Variants in RANBP10 observed in about 807,000 individuals in gnomAD.
The protein encoded by RANBP10 is ran-binding protein 10.
Under a neutral mutation model 72.8 loss-of-function variants are expected in RANBP10, and 24 were observed. The ratio of observed to expected loss-of-function variants is 0.33; its 90% CI spans 0.24 to 0.46. The LOEUF is 0.46. RANBP10 is among the 20% of genes least tolerant of loss of function. The pLI, the probability that RANBP10 is intolerant of heterozygous loss-of-function variation, is 1.00. For synonymous variants in RANBP10, 310 were observed against 322.3 expected, an observed-to-expected ratio of 0.96 and a Z score of 0.41; for missense variants, 679 against 817.5, an observed-to-expected ratio of 0.83 and a Z score of 2.07.
chr16:67,750,409 G>A (rs951454567), intron 3 of RANBP10, among the ~76,000 whole-genome samples: 2 of 152,122 alleles, frequency 1.3e-5, no homozygotes, highest in Non-Finnish European at 1.5e-5. Context: ...TTCTCCCCTT[G>A]CACACTGCCC....
At chr16:67,728,779 C>A (rs897104959) in intron 10 of RANBP10, among the ~76,000 whole-genome samples, 1 of 152,236 alleles carries the variant, frequency 6.6e-6, no homozygotes, top group Non-Finnish European at 1.5e-5. Flanking sequence ...TGAGTTCACA[C>A]ACCTCTTCTA....
In RANBP10 at chr16:67,744,402, A is replaced by G. The variant is rs1210011894; in HGVS notation, c.454T>C (p.Ser152Pro). Reference sequence around the variant, plus strand: ...CCATAGGGCTGGCCAGTCCCCGAGGAGCAGAACGAATGCCCATCATCACCA... The same window carrying G: ...CCATAGGGCTGGCCAGTCCCCGAGGGGCAGAACGAATGCCCATCATCACCA... ...YHGDDGHSFC[S>P]SGTGQPYGPT... The change falls in exon 4 of 14, where the codon TCC becomes CCC. Residue 152 changes from serine to proline, a missense_variant. Physicochemically the swap from Ser to Pro is moderately conservative, Grantham distance 74. Coordinates refer to ENST00000317506, the MANE Select transcript of RANBP10 (RefSeq NM_020850.3). 1 of 1,614,078 alleles carries G rather than the reference A, an allele frequency of 6.2e-7. No individual in the cohort carries two copies. Among genetic ancestry groups the G allele is most frequent in the African/African-American group, 1.3e-5 (1 of 74,926 alleles).
intron 6 of RANBP10, 60 bp from the exon 7 acceptor site, chr16:67,731,644 A>G (rs1313841479): frequency 5.3e-6 from 7 of 1,317,618 alleles, no homozygotes; most frequent in South Asian, 2.5e-5. Flanking sequence ...CTGACTACCC[A>G]ATGGACTCAG....
At chr16:67,728,535 A>T in intron 10 of RANBP10, 24 bp from the exon 11 acceptor site, 1 of 1,613,690 alleles carries the variant, frequency 6.2e-7, no homozygotes, top group Admixed American at 1.7e-5. Context: ...TTGAGGTGGG[A>T]GTTGGCCCAG....
At position 67,772,104 on chromosome 16, in the gene RANBP10, A is replaced by C; in HGVS notation, c.348-18T>G. The C allele has an allele frequency of 1.3e-6, 2 of 1,593,666 alleles. No individual in the cohort carries two copies. Among genetic ancestry groups the C allele is most frequent in the East Asian group, 2.2e-5 (1 of 44,820 alleles). On this transcript the variant is annotated intron_variant, in intron 2 of 13. Coordinates refer to ENST00000317506, the MANE Select transcript of RANBP10 (RefSeq NM_020850.3). ...CCATGTAACTTCAAAAAAAAAAAAA[A>C]AAAAAACACAAAATTTTTGGTTAGC...
intron 2 of RANBP10, among the ~76,000 whole-genome samples, chr16:67,780,212 C>T (rs1486783919): frequency 6.6e-6 from 1 of 151,632 alleles, no homozygotes; most frequent in Non-Finnish European, 1.5e-5. Flanking sequence ...AGCCTGGCAA[C>T]AAAGCTAGAC....
intron 2 of RANBP10, among the ~76,000 whole-genome samples, chr16:67,781,961 C>T (rs2054821815): frequency 6.6e-6 from 1 of 152,072 alleles, no homozygotes; most frequent in South Asian, 2.1e-4. Context: ...GTCCATGCTG[C>T]CACCCGAGCA....
At chr16:67,734,173 C>A (rs1314999928) in intron 6 of RANBP10, among the ~76,000 whole-genome samples, 1 of 152,244 alleles carries the variant, frequency 6.6e-6, no homozygotes, top group African/African-American at 2.4e-5. Context: ...GCAATGACCA[C>A]AGGCAGTGGA....
At chr16:67,788,670 A>AT (rs2054964236) in intron 2 of RANBP10, among the ~76,000 whole-genome samples, 1 of 151,554 alleles carries the variant, frequency 6.6e-6, no homozygotes, top group African/African-American at 2.4e-5. Flanking sequence ...GATTACAGGC[A>AT]TGAGCCACCG....
chr16:67,789,983 G>A (rs1412398543), intron 2 of RANBP10, among the ~76,000 whole-genome samples: 2 of 151,496 alleles, frequency 1.3e-5, no homozygotes, highest in Non-Finnish European at 2.9e-5. Context: ...TGTAATCCCA[G>A]CTACTCGGGA....
In RANBP10 at chr16:67,724,284, A is replaced by AG. The variant is rs1418967376; in HGVS notation, c.*2143dup. On this transcript the variant is annotated 3_prime_UTR_variant, in exon 14 of 14. Transcript: ENST00000317506. ...GACTAAATAGTGTTGCCCAACCCAC[A>AG]GGGATAAGGGATAGTCCCGGCTCTG... 1 of 152,220 alleles carries AG rather than the reference A, an allele frequency of 6.6e-6. No homozygotes were observed. Among genetic ancestry groups the AG allele is most frequent in the African/African-American group, 2.4e-5 (1 of 41,448 alleles). 9.4% of individuals were successfully genotyped at this position (152,220 alleles called of 1,614,324 possible).
intron 6 of RANBP10, among the ~76,000 whole-genome samples, chr16:67,733,976 T>C (rs1350011362): frequency 6.6e-6 from 1 of 152,168 alleles, no homozygotes; most frequent in African/African-American, 2.4e-5. Context: ...AGGAAGTCCT[T>C]GTCATCTGCT....
At chr16:67,736,832 A>G (rs1199151619) in intron 5 of RANBP10, among the ~76,000 whole-genome samples, 1 of 152,178 alleles carries the variant, frequency 6.6e-6, no homozygotes, top group Non-Finnish European at 1.5e-5. Context: ...TGAGCCATGG[A>G]CTGGAGGTTT....
chr16:67,805,323 G>T, intron 2 of RANBP10, 105 bp downstream of exon 2: 2 of 960,430 alleles, frequency 2.1e-6, no homozygotes, highest in Admixed American at 2.4e-5. Flanking sequence ...GACCCATGCG[G>T]CTCCCCAGCT....
chr16:67,759,476 C>A (rs530832727), intron 3 of RANBP10: 1 of 152,224 alleles, frequency 6.6e-6, no homozygotes, highest in African/African-American at 2.4e-5. Context: ...AGTCAGGCAC[C>A]GGCTGACAGA....
chr16:67,769,587 T>TA (rs1372777117), intron 3 of RANBP10, among the ~76,000 whole-genome samples: 1 of 146,186 alleles, frequency 6.8e-6, no homozygotes, highest in Non-Finnish European at 1.5e-5. Flanking sequence ...CTATTAAAAA[T>TA]ACAAAAAAAT....
intron 3 of RANBP10, among the ~76,000 whole-genome samples, chr16:67,765,199 C>CAAAAA (rs569942198): frequency 3.4e-4 from 4 of 11,628 alleles, no homozygotes; most frequent in Non-Finnish European, 2.2e-4. Context: ...GACTCCATCT[C>CAAAAA]AAAAAAAAAA....
At chr16:67,746,687 A>G (rs141038556) in intron 3 of RANBP10, among the ~76,000 whole-genome samples, 15 of 152,268 alleles carry the variant, frequency 9.9e-5, no homozygotes, top group Non-Finnish European at 2.2e-4. Context: ...TTGGGAGTCA[A>G]TTTGTTCCAT....
At chr16:67,773,857 G>A (rs1019230746) in intron 2 of RANBP10, among the ~76,000 whole-genome samples, 8 of 152,226 alleles carry the variant, frequency 5.3e-5, no homozygotes, top group African/African-American at 1.9e-4. Flanking sequence ...ATAGCCTGTA[G>A]CTGGACAGGA....
Sources: allele counts gnomAD v4.1 joint callset (sites outside exome capture counted in the v4.1 genomes callset), GRCh38; gene constraint gnomAD v4.1.1; transcripts MANE v1.5; gene names NCBI Gene and HGNC (gene_info 2026-07-23, HGNC 2026-07-21).